STAT1: variants seen among roughly 807,000 people sequenced by gnomAD.
STAT1 encodes signal transducer and activator of transcription 1.
Under a neutral mutation model 111.7 loss-of-function variants are expected in STAT1, and 24 were observed. That is an observed-to-expected ratio of 0.21 (90% CI 0.16 to 0.30). STAT1 has a LOEUF of 0.30. STAT1 is among the 10% of genes least tolerant of loss of function. STAT1 has a pLI of 1.00. For synonymous variants in STAT1, 332 were observed against 326.5 expected, an observed-to-expected ratio of 1.02 and a Z score of -0.18; for missense variants, 351 against 911.9, an observed-to-expected ratio of 0.38 and a Z score of 7.92.
chr2:190,991,195 G>T, intron 11 of STAT1, 33 bp downstream of exon 11: 1 of 1,596,452 alleles, frequency 6.3e-7, no homozygotes, highest in South Asian at 1.1e-5. Flanking sequence ...TACGTGACAG[G>T]TGATGTATGG....
rs1335499152 is a variant in STAT1 at position 190,993,703 on chromosome 2, C to T, written c.944+1358G>A. The T allele has an allele frequency of 2.5e-6, 1 of 396,072 alleles. No homozygotes were observed. 24.5% of individuals were successfully genotyped at this position (396,072 alleles called of 1,614,324 possible). A position where few individuals can be genotyped will look rare whatever the true frequency, so the allele number is the denominator to read the frequency against. On this transcript the variant is annotated intron_variant, in intron 10 of 24. Transcript: ENST00000361099. The surrounding 1 kb of genome is among the most constrained non-coding windows in gnomAD (Gnocchi z 4.1). ...AGAGTAAATGTCTTCCCCGACTCTG[C>T]CCCCTGGAACGCAATCAGCAGCCGC... is the stretch of plus-strand genomic sequence containing the variant.
rs995579013 is a variant in STAT1, at chr2:190,993,300, C to A, written c.944+1761G>T. On this transcript the variant is annotated intron_variant, in intron 10 of 24. Transcript: ENST00000361099. The surrounding 1 kb of genome is among the most constrained non-coding windows in gnomAD (Gnocchi z 4.1). Reference sequence around the variant, plus strand: ...GACTCCTGATCTGTCACATCATACACCACTAGGATGCCATTGGCTCCTCTG... The same window carrying A: ...GACTCCTGATCTGTCACATCATACAACACTAGGATGCCATTGGCTCCTCTG... 1.5e-6 allele frequency: 1 copy of A among 673,726 alleles called. No homozygotes were observed. The allele number at this position is 673,726 out of a possible 1,614,324, so 41.7% of individuals were successfully genotyped here.
At position 190,976,472 on chromosome 2, in the gene STAT1, T is replaced by C. The variant is rs1691912209; in HGVS notation, c.2059+368A>G. ...TAGTAAGTAATTGGGCCACCCTAAA[T>C]GAACCACTTCACTTCTCCCAGGCCT... On this transcript the variant is annotated intron_variant, in intron 22 of 24. Coordinates refer to ENST00000361099, the MANE Select transcript of STAT1 (RefSeq NM_007315.4). The surrounding 1 kb of genome is among the most constrained non-coding windows in gnomAD (Gnocchi z 6.0). Among the ~76,000 whole-genome samples the C allele has an allele frequency of 6.6e-6, 1 of 152,212 alleles. No homozygotes were observed. Among genetic ancestry groups the C allele is most frequent in the African/African-American group, 2.4e-5 (1 of 41,458 alleles).
Position 190,986,755 on chromosome 2 carries a change from G to T in STAT1, c.1221+99C>A. ...CACAAAGTCTACAAACCCCAGCAGG[G>T]GGGCGTCCTCCACATGGCAATGTGC... On this transcript the variant is annotated intron_variant, in intron 14 of 24. Coordinates refer to ENST00000361099, the MANE Select transcript of STAT1 (RefSeq NM_007315.4). The surrounding 1 kb of genome is among the most constrained non-coding windows in gnomAD (Gnocchi z 5.0). 8.5e-7 allele frequency: 1 copy of T among 1,172,044 alleles called. No homozygotes were observed. Among genetic ancestry groups the T allele is most frequent in the Non-Finnish European group, 1.3e-6 (1 of 779,478 alleles). The allele number at this position is 1,172,044 out of a possible 1,614,324, so 72.6% of individuals were successfully genotyped here.
rs1216114250 is a variant in STAT1 at position 190,975,038 on chromosome 2, T to C, written c.2136-106A>G. The C allele has an allele frequency of 8.5e-6, 8 of 945,266 alleles. No homozygotes were observed. Among genetic ancestry groups the C allele is most frequent in the Non-Finnish European group, 1.3e-5 (8 of 594,642 alleles). 58.6% of individuals were successfully genotyped at this position (945,266 alleles called of 1,614,324 possible). A position where few individuals can be genotyped will look rare whatever the true frequency, so the allele number is the denominator to read the frequency against. ...TGTCTGTAATTGAATTATCACGTTA[T>C]ATTTTTATTTTGGGTAAGTGCATAC... On this transcript the variant is annotated intron_variant, in intron 23 of 24. Transcript: ENST00000361099. This position sits in a 1 kb window ranked among gnomAD's most constrained non-coding sequence, Gnocchi z 5.9.
In STAT1 at chr2:190,987,086, A is replaced by C; in HGVS notation, c.1098-18T>G. 1 of 1,571,100 alleles carries C rather than the reference A, an allele frequency of 6.4e-7. No homozygotes were observed. Among genetic ancestry groups the C allele is most frequent in the Non-Finnish European group, 8.8e-7 (1 of 1,142,724 alleles). On this transcript the variant is annotated intron_variant, in intron 12 of 24. Coordinates refer to ENST00000361099, the MANE Select transcript of STAT1 (RefSeq NM_007315.4). This position sits in a 1 kb window ranked among gnomAD's most constrained non-coding sequence, Gnocchi z 4.0. ...TCACATCTCTGCAAAAAAAATATATATAATCACATATGCGTATTTAAAATT... is the reference window on the plus strand; with the variant it reads ...TCACATCTCTGCAAAAAAAATATATCTAATCACATATGCGTATTTAAAATT...
Position 190,999,565 on chromosome 2 carries a change from T to C in STAT1, c.541+61A>G, listed in dbSNP as rs1448548759. On this transcript the variant is annotated intron_variant, in intron 7 of 24. Coordinates refer to ENST00000361099, the MANE Select transcript of STAT1 (RefSeq NM_007315.4). This position sits in a 1 kb window ranked among gnomAD's most constrained non-coding sequence, Gnocchi z 4.1. Reference sequence around the variant, plus strand: ...AATAGAAAGGAGTAATCATCTTCGTTATCTAGTGTGAACAGAAAAAATTGC... The same window carrying C: ...AATAGAAAGGAGTAATCATCTTCGTCATCTAGTGTGAACAGAAAAAATTGC... The C allele has an allele frequency of 8.9e-7, 1 of 1,127,174 alleles. No homozygotes were observed. The highest frequency in any genetic ancestry group is 1.5e-5 in the African/African-American group (1 of 65,400). 69.8% of individuals were successfully genotyped at this position (1,127,174 alleles called of 1,614,324 possible).
chr2:190,982,343 T>C lies in STAT1; in HGVS notation c.1582+40A>G. On this transcript the variant is annotated intron_variant, in intron 18 of 24. Transcript: ENST00000361099. This position sits in a 1 kb window ranked among gnomAD's most constrained non-coding sequence, Gnocchi z 7.3. The stretch of plus-strand genomic sequence containing the variant: ...GCAATTAGAGAGATATTTTTATGAA[T>C]TTCAATTTTTATAAACATAACAAGT... The C allele has an allele frequency of 6.2e-7, 1 of 1,611,118 alleles. No individual in the cohort carries two copies. Among genetic ancestry groups the C allele is most frequent in the Non-Finnish European group, 8.5e-7 (1 of 1,177,558 alleles).
Position 191,012,309 on chromosome 2 carries a change from G to C in STAT1, c.-2+1216C>G, listed in dbSNP as rs931602118. On this transcript the variant is annotated intron_variant, in intron 2 of 24. Transcript: ENST00000361099. This position sits in a 1 kb window ranked among gnomAD's most constrained non-coding sequence, Gnocchi z 4.0. The stretch of plus-strand genomic sequence containing the variant: ...TGTGCACCTGTAGTCCCAACTACTC[G>C]TGAGGCTGAGGCAGGGGAATTGCTT... Among the ~76,000 whole-genome samples, 4 of 151,846 alleles carry C rather than the reference G, an allele frequency of 2.6e-5. No individual in the cohort carries two copies. Among genetic ancestry groups the C allele is most frequent in the African/African-American group, 7.3e-5 (3 of 41,348 alleles).
At chr2:191,011,727 T>A (rs1265398263) in intron 2 of STAT1, among the ~76,000 whole-genome samples, 1 of 152,222 alleles carries the variant, frequency 6.6e-6, no homozygotes, top group Non-Finnish European at 1.5e-5. Context: ...GATGGTTTTA[T>A]AAGCCACTGG....
At position 190,986,755 on chromosome 2, in the gene STAT1, G is replaced by A; in HGVS notation, c.1221+99C>T. On this transcript the variant is annotated intron_variant, in intron 14 of 24. Transcript: ENST00000361099. This position sits in a 1 kb window ranked among gnomAD's most constrained non-coding sequence, Gnocchi z 5.0. ...CACAAAGTCTACAAACCCCAGCAGG[G>A]GGGCGTCCTCCACATGGCAATGTGC... is the stretch of plus-strand genomic sequence containing the variant. 8.5e-7 allele frequency: 1 copy of A among 1,172,048 alleles called. No homozygotes were observed. The highest frequency in any genetic ancestry group is 1.3e-6 in the Non-Finnish European group (1 of 779,482). The allele number at this position is 1,172,048 out of a possible 1,614,324, so 72.6% of individuals were successfully genotyped here.
At chr2:191,002,121 GC>G (rs372800003) in intron 5 of STAT1, among the ~76,000 whole-genome samples, 113 of 152,204 alleles carry the variant, frequency 7.4e-4, no homozygotes, top group African/African-American at 2.3e-3. Flanking sequence ...CATTTCCCTA[GC>G]ACTTGCAAGG....
At chr2:190,994,675 C>T (rs1261110391) in intron 10 of STAT1, among the ~76,000 whole-genome samples, 1 of 151,954 alleles carries the variant, frequency 6.6e-6, no homozygotes, top group Non-Finnish European at 1.5e-5. Flanking sequence ...AATCCCAGCA[C>T]TTTGGGAGGC....
rs918119240 is a variant in STAT1, at chr2:190,974,270, G to A, written c.2238+560C>T. Among the ~76,000 whole-genome samples, 26 of 152,198 alleles carry A rather than the reference G, an allele frequency of 1.7e-4. No individual in the cohort carries two copies. The highest frequency in any genetic ancestry group is 5.8e-4 in the African/African-American group (24 of 41,516). ...ACAATCATATTCCCATTTCTATCAC[G>A]AATCTCATTAACTATTTCACTCCTT... is the stretch of plus-strand genomic sequence containing the variant. On this transcript the variant is annotated intron_variant, in intron 24 of 24. Coordinates refer to ENST00000361099, the MANE Select transcript of STAT1 (RefSeq NM_007315.4). The surrounding 1 kb of genome is among the most constrained non-coding windows in gnomAD (Gnocchi z 4.8).
rs1206568099 is a variant in STAT1 at position 190,995,573 on chromosome 2, TG to T, written c.786-355del. Among the ~76,000 whole-genome samples the T allele has an allele frequency of 2.6e-5, 4 of 152,156 alleles. No homozygotes were observed. Among genetic ancestry groups the T allele is most frequent in the Admixed American group, 2.6e-4 (4 of 15,280 alleles). On this transcript the variant is annotated intron_variant, in intron 9 of 24. Transcript: ENST00000361099. The surrounding 1 kb of genome is among the most constrained non-coding windows in gnomAD (Gnocchi z 4.2). ...CCCCCATGATTCAATTATCTCCACC[TG>T]GCCCTGCCCTTGACACATGGGGATT...
At position 191,006,835 on chromosome 2, in the gene STAT1, C is replaced by T. The variant is rs1694736361; in HGVS notation, c.372+728G>A. Among the ~76,000 whole-genome samples the T allele has an allele frequency of 6.6e-6, 1 of 152,222 alleles. No homozygotes were observed. Among genetic ancestry groups the T allele is most frequent in the Admixed American group, 6.5e-5 (1 of 15,288 alleles). On this transcript the variant is annotated intron_variant, in intron 5 of 24. Coordinates refer to ENST00000361099, the MANE Select transcript of STAT1 (RefSeq NM_007315.4). This position sits in a 1 kb window ranked among gnomAD's most constrained non-coding sequence, Gnocchi z 4.6. ...TACTAGTACAACTCTGACTCATTTA[C>T]TGTTTGATGCCTTGAATATTTAATA...
At chr2:191,010,993 A>C (rs1179768555) in intron 2 of STAT1, among the ~76,000 whole-genome samples, 4 of 152,246 alleles carry the variant, frequency 2.6e-5, no homozygotes, top group African/African-American at 4.8e-5. Context: ...CAGAGCAGAC[A>C]CAAGTGAATC....
chr2:190,971,734 A>T lies in STAT1; in HGVS notation c.2239-1017T>A, dbSNP rs1261289615. Among the ~76,000 whole-genome samples the T allele has an allele frequency of 1.3e-5, 2 of 150,114 alleles. No homozygotes were observed. The highest frequency in any genetic ancestry group is 3.9e-4 in the East Asian group (2 of 5,144). On this transcript the variant is annotated intron_variant, in intron 24 of 24. Coordinates refer to ENST00000361099, the MANE Select transcript of STAT1 (RefSeq NM_007315.4). The surrounding 1 kb of genome is among the most constrained non-coding windows in gnomAD (Gnocchi z 4.1). ...TTTCTTTTTTTTTTTCAAATTGGAG[A>T]CGGAGTCTTCCTCTGTTGCCCAGAC...
Position 190,983,306 on chromosome 2 carries a change from A to G in STAT1, c.1446+336T>C, listed in dbSNP as rs16833144. On this transcript the variant is annotated intron_variant, in intron 17 of 24. Transcript: ENST00000361099. This position sits in a 1 kb window ranked among gnomAD's most constrained non-coding sequence, Gnocchi z 5.7. ...AAAAACATAAGTACTTTGAATAATTATAAATGACTGTAATTAATTAACAGT... is the reference window on the plus strand; with the variant it reads ...AAAAACATAAGTACTTTGAATAATTGTAAATGACTGTAATTAATTAACAGT... Among the ~76,000 whole-genome samples the G allele has an allele frequency of 4.7e-3, 713 of 152,358 alleles. 5 individuals are homozygous for G. The highest frequency in any genetic ancestry group is 0.017 in the African/African-American group (689 of 41,576).
Sources: allele counts gnomAD v4.1 joint callset (sites outside exome capture counted in the v4.1 genomes callset), GRCh38; gene constraint gnomAD v4.1.1; non-coding constraint Gnocchi (gnomAD v3.1); transcripts MANE v1.5; gene names NCBI Gene and HGNC (gene_info 2026-07-23, HGNC 2026-07-21).